The following ZFHX3 variants were observed in gnomAD, a reference collection of about 807,000 sequenced individuals.
ZFHX3 encodes zinc finger homeobox 3.
A neutral mutation model predicts 279.1 loss-of-function variants in ZFHX3; 42 were observed. That is an observed-to-expected ratio of 0.15 (90% CI 0.12 to 0.19). ZFHX3 has a LOEUF of 0.19. ZFHX3 is among the 10% of genes least tolerant of loss of function. ZFHX3 has a pLI of 1.00. For missense variants in ZFHX3, 4,981 were observed against 4,754.0 expected, an observed-to-expected ratio of 1.05 and a Z score of -1.40; for synonymous variants, 2,293 against 1,957.8, an observed-to-expected ratio of 1.17 and a Z score of -4.52.
chr16:72,788,422 G>A lies in ZFHX3; in HGVS notation c.9854C>T (p.Pro3285Leu). 3 of 1,614,242 alleles carry A rather than the reference G, an allele frequency of 1.9e-6. No individual in the cohort carries two copies. The highest frequency in any genetic ancestry group is 1.7e-6 in the Non-Finnish European group (2 of 1,180,040). The change falls in exon 10 of 10, where the codon CCT becomes CTT. Residue 3285 changes from proline (P) to leucine (L), a missense_variant. By Grantham distance (98) the Pro-to-Leu change is moderately conservative (BLOSUM62 -3). Around this residue, in one of 7 missense-constraint regions of ZFHX3, gnomAD observed 1,034 missense variants for 786.0 expected, o/e 1.32. Transcript: ENST00000268489. ...PLPTMEYAVD[P>L]AQLQALQAAL... Reference sequence around the variant, plus strand: ...GGCCTGCAGGGCCTGCAGCTGTGCAGGGTCTACCGCATACTCCATGGTGGG... The same window carrying A: ...GGCCTGCAGGGCCTGCAGCTGTGCAAGGTCTACCGCATACTCCATGGTGGG...
chr16:72,959,771 G>C lies in ZFHX3; in HGVS notation c.375C>G (p.Asp125Glu), dbSNP rs763877232. ...DTGEEGDEESDVENLAGEIVY... is the reference protein window; with the variant it reads ...DTGEEGDEESEVENLAGEIVY... Reference sequence around the variant, plus strand: ...CGATCTCCCCGGCCAGGTTCTCCACGTCACTCTCCTCGTCCCCCTCCTCAC... The same window carrying C: ...CGATCTCCCCGGCCAGGTTCTCCACCTCACTCTCCTCGTCCCCCTCCTCAC... The change falls in exon 2 of 10, where the codon GAC (aspartate) becomes GAG (glutamate). Residue 125 changes from aspartate to glutamate, a missense_variant. Coordinates refer to ENST00000268489, the MANE Select transcript of ZFHX3 (RefSeq NM_006885.4). 2 of 1,606,946 alleles carry C rather than the reference G, an allele frequency of 1.2e-6. No individual in the cohort carries two copies.
chr16:73,126,270 A>T (rs1469774502), intron 7 of ZFHX3, among the ~76,000 whole-genome samples: 1 of 152,102 alleles, frequency 6.6e-6, no homozygotes, highest in East Asian at 1.9e-4. Flanking sequence ...CAAACTAACA[A>T]AGCAGGGAGC....
intron 1 of ZFHX3, among the ~76,000 whole-genome samples, chr16:72,974,138 G>T (rs1169429810): frequency 6.6e-6 from 1 of 152,170 alleles, no homozygotes; most frequent in Non-Finnish European, 1.5e-5. Flanking sequence ...TGGCAGTTTG[G>T]GGAATGCAGG....
intron 2 of ZFHX3, among the ~76,000 whole-genome samples, chr16:73,466,891 C>T (rs2018583309): frequency 6.6e-6 from 1 of 152,066 alleles, no homozygotes; most frequent in South Asian, 2.1e-4. Context: ...GAGTTGCAAC[C>T]ACAGGGAACA....
intron 4 of ZFHX3, among the ~76,000 whole-genome samples, chr16:72,875,680 T>A (rs983234137): frequency 6.6e-6 from 1 of 152,250 alleles, no homozygotes; most frequent in Non-Finnish European, 1.5e-5. Flanking sequence ...TAGGGTTAAC[T>A]GAACTGCCAC....
chr16:73,412,194 C>T lies in ZFHX3; in HGVS notation c.-1291+43809G>A, dbSNP rs557444924. On this transcript the variant is annotated intron_variant, in intron 3 of 17. Coordinates refer to the ZFHX3 transcript ENST00000641206. ...TGCAAAAATTAGCCGGACATAGTGG[C>T]GCACACCTGTAATCCCAGCTACCTC... is the stretch of plus-strand genomic sequence containing the variant. Among the ~76,000 whole-genome samples the T allele has an allele frequency of 2.6e-4, 40 of 151,994 alleles. No homozygotes were observed. The South Asian group carries it at 7.1e-3, about 27-fold the overall frequency.
intron 1 of ZFHX3, among the ~76,000 whole-genome samples, chr16:73,712,660 T>A (rs2053375152): frequency 6.6e-6 from 1 of 152,170 alleles, no homozygotes. Flanking sequence ...TTGCCCTCTT[T>A]TGTACTGTGG....
In ZFHX3 at chr16:73,797,409, C is replaced by G. The variant is rs558402279; in HGVS notation, c.-1608+94242G>C. Among the ~76,000 whole-genome samples, 4 of 152,318 alleles carry G rather than the reference C, an allele frequency of 2.6e-5. No individual in the cohort carries two copies. In the East Asian group the frequency reaches 7.7e-4, roughly 29 times the overall value. ...CCCTCATGAACCTGTGTTTCTGGAA[C>G]TGCACAAAGCAACAAATGGCAGAGG... On this transcript the variant is annotated intron_variant, in intron 1 of 17. Transcript: ENST00000641206.
At chr16:73,179,375 C>G (rs532270328) in intron 5 of ZFHX3, among the ~76,000 whole-genome samples, 6 of 152,154 alleles carry the variant, frequency 3.9e-5, no homozygotes, top group Non-Finnish European at 7.3e-5. Context: ...GACTCCACTC[C>G]CCTCCATGAC....
chr16:73,639,465 T>C (rs958590211), intron 2 of ZFHX3, among the ~76,000 whole-genome samples: 3 of 152,178 alleles, frequency 2.0e-5, no homozygotes, highest in African/African-American at 7.2e-5. Context: ...GAGATCTTTA[T>C]TAACATGCTC....
At chr16:73,785,614 T>C (rs1161914573) in intron 1 of ZFHX3, among the ~76,000 whole-genome samples, 1 of 152,114 alleles carries the variant, frequency 6.6e-6, no homozygotes, top group Non-Finnish European at 1.5e-5. Flanking sequence ...TCTTTATCGG[T>C]ATAAAGGTGG....
intron 2 of ZFHX3, among the ~76,000 whole-genome samples, chr16:73,548,244 T>A (rs2020152010): frequency 6.6e-6 from 1 of 152,256 alleles, no homozygotes; most frequent in African/African-American, 2.4e-5. Flanking sequence ...ACTCAAATTC[T>A]CAGAATTCCT....
chr16:73,700,727 T>C (rs2053238666), intron 1 of ZFHX3, among the ~76,000 whole-genome samples: 1 of 152,214 alleles, frequency 6.6e-6, no homozygotes, highest in African/African-American at 2.4e-5. Flanking sequence ...ACTAAGCTTA[T>C]TAAAGCAATC....
intron 6 of ZFHX3, among the ~76,000 whole-genome samples, chr16:73,139,053 G>C (rs76225175): frequency 1.3e-5 from 2 of 152,108 alleles, no homozygotes; most frequent in Non-Finnish European, 2.9e-5. Flanking sequence ...TTGGTTGAAG[G>C]GGACAGCATC....
chr16:73,587,664 A>G (rs1190407095), intron 2 of ZFHX3, among the ~76,000 whole-genome samples: 1 of 152,224 alleles, frequency 6.6e-6, no homozygotes, highest in Non-Finnish European at 1.5e-5. Context: ...TTTTCTCAGG[A>G]TTTGGAGCAC....
chr16:72,787,696 C>T lies in ZFHX3; in HGVS notation c.10580G>A (p.Gly3527Asp), dbSNP rs755064334. 6.4e-6 allele frequency: 8 copies of T among 1,242,648 alleles called. No individual in the cohort carries two copies. The South Asian group carries it at 7.3e-5, about 11-fold the overall frequency. 77.0% of individuals were successfully genotyped at this position (1,242,648 alleles called of 1,614,324 possible). A position where few individuals can be genotyped will look rare whatever the true frequency, so the allele number is the denominator to read the frequency against. Residue 3527 changes from glycine (G) to aspartate (D), a missense_variant, in exon 10 of 10, where the codon GGC becomes GAC. By Grantham distance (94) the Gly-to-Asp change is moderately conservative (BLOSUM62 -1). This residue lies in a region of ZFHX3 where 1,034 missense variants were observed against 786.0 expected (regional missense o/e 1.32). Coordinates refer to ENST00000268489, the MANE Select transcript of ZFHX3 (RefSeq NM_006885.4). ...CTCGCACGCCAGGCAGTGGTACGAG[C>T]CGCCGCCGCCGCCGCCGCCGCCACC... ...GGGGGGGGGG[G>D]SYHCLACESA...
chr16:73,645,866 C>G (rs1002651860), intron 2 of ZFHX3, among the ~76,000 whole-genome samples: 1 of 152,148 alleles, frequency 6.6e-6, no homozygotes, highest in Non-Finnish European at 1.5e-5. Context: ...TTAATCTTAT[C>G]AGCCTTGGAG....
At chr16:73,375,725 A>G (rs1259811091) in intron 3 of ZFHX3, among the ~76,000 whole-genome samples, 1 of 152,150 alleles carries the variant, frequency 6.6e-6, no homozygotes, top group African/African-American at 2.4e-5. Context: ...TAATCTAAAT[A>G]CTTATTTGCT....
intron 5 of ZFHX3, among the ~76,000 whole-genome samples, chr16:73,229,737 T>C (rs1186416806): frequency 1.3e-5 from 2 of 152,206 alleles, no homozygotes; most frequent in African/African-American, 4.8e-5. Flanking sequence ...TTTTAATTCA[T>C]CTAAAATCAT....
Sources: gnomAD v4.1 joint callset for allele counts (sites outside exome capture counted in the v4.1 genomes callset) on GRCh38, gnomAD v4.1.1 for gene constraint, gnomAD v4.1.1 regional missense constraint, MANE v1.5 for transcripts, NCBI Gene and HGNC (gene_info 2026-07-23, HGNC 2026-07-21) for gene names.